The following JAZF1 variants were observed in gnomAD, a reference collection of about 807,000 sequenced individuals.
JAZF1 encodes the protein juxtaposed with another zinc finger protein 1.
In JAZF1, 8 loss-of-function variants were observed where a neutral mutation model predicts 26.4. The ratio of observed to expected loss-of-function variants is 0.30; its 90% CI spans 0.18 to 0.55. The LOEUF (loss-of-function observed/expected upper bound fraction) is 0.55. Among genes scored for constraint, JAZF1 ranks in the 20% least tolerant of loss-of-function variants. The probability of loss-of-function intolerance (pLI) is 0.94; values close to 1 mark genes in which losing one functional copy is unlikely to be tolerated. For missense variants in JAZF1, 199 were observed against 322.0 expected, an observed-to-expected ratio of 0.62 and a Z score of 2.92; for synonymous variants, 126 against 122.3, an observed-to-expected ratio of 1.03 and a Z score of -0.20.
intron 2 of JAZF1, among the ~76,000 whole-genome samples, chr7:27,983,321 A>C (rs1464816847): frequency 6.6e-6 from 1 of 152,232 alleles, no homozygotes; most frequent in East Asian, 1.9e-4. Context: ...TCAGTAGCTG[A>C]TTTGATCAAC....
At chr7:27,943,136 C>T (rs1041403497) in intron 2 of JAZF1, among the ~76,000 whole-genome samples, 1 of 152,166 alleles carries the variant, frequency 6.6e-6, no homozygotes, top group South Asian at 2.1e-4. Flanking sequence ...TAACTGGAGG[C>T]AACATCCTCA....
In JAZF1 at chr7:27,991,998, A is replaced by T; in HGVS notation, c.116-17T>A. The stretch of plus-strand genomic sequence containing the variant: ...GATCTGTATCTGTAATAAAAACACA[A>T]TTACGATTTTTTTTAGATTTTGCAT... On this transcript the variant is annotated splice_polypyrimidine_tract_variant and intron_variant, in intron 1 of 4. Coordinates refer to ENST00000283928, the MANE Select transcript of JAZF1 (RefSeq NM_175061.4). 6.6e-7 allele frequency: 1 copy of T among 1,511,128 alleles called. No homozygotes were observed. The highest frequency in any genetic ancestry group is 1.7e-4 in the Middle Eastern group (1 of 5,856). 93.6% of individuals were successfully genotyped at this position (1,511,128 alleles called of 1,614,324 possible). A position where few individuals can be genotyped will look rare whatever the true frequency, so the allele number is the denominator to read the frequency against.
intron 1 of JAZF1, among the ~76,000 whole-genome samples, chr7:28,035,340 A>AAG (rs1783271370): frequency 2.1e-5 from 3 of 145,418 alleles, no homozygotes; most frequent in African/African-American, 5.0e-5. Flanking sequence ...AAAAAAAAAA[A>AAG]AAAGAAAGAA....
At chr7:27,913,488 C>G (rs939290873) in intron 2 of JAZF1, 1 of 366,414 alleles carries the variant, frequency 2.7e-6, no homozygotes, top group Admixed American at 3.8e-5. Flanking sequence ...CAAAGAGACC[C>G]CACGTGAACA....
At chr7:28,179,471 C>T (rs1459181708) in intron 1 of JAZF1, among the ~76,000 whole-genome samples, 1 of 152,060 alleles carries the variant, frequency 6.6e-6, no homozygotes, top group Non-Finnish European at 1.5e-5. Flanking sequence ...CGCCGCCGAT[C>T]CCAGGGCGCA....
chr7:27,862,799 TG>T (rs1176326629), intron 3 of JAZF1, among the ~76,000 whole-genome samples: 4 of 152,378 alleles, frequency 2.6e-5, no homozygotes, highest in Non-Finnish European at 5.9e-5. Context: ...TTCTGTATTT[TG>T]GGTGCATGTG....
At chr7:28,144,096 A>G (rs1782993873) in intron 1 of JAZF1, among the ~76,000 whole-genome samples, 1 of 152,192 alleles carries the variant, frequency 6.6e-6, no homozygotes, top group South Asian at 2.1e-4. Context: ...CATGTTTACA[A>G]ATTGCTTTAT....
intron 3 of JAZF1, among the ~76,000 whole-genome samples, chr7:27,870,118 G>A (rs1783556112): frequency 7.0e-6 from 1 of 142,852 alleles, no homozygotes; most frequent in African/African-American, 2.6e-5. Context: ...GTAGAGACTG[G>A]GTTTCACCAT....
intron 2 of JAZF1, among the ~76,000 whole-genome samples, chr7:27,957,268 C>G (rs1451388620): frequency 6.6e-6 from 1 of 152,104 alleles, no homozygotes; most frequent in Non-Finnish European, 1.5e-5. Flanking sequence ...GATATGAGGC[C>G]CCACTTGGCA....
chr7:27,874,605 C>T (rs919878103), intron 3 of JAZF1, among the ~76,000 whole-genome samples: 3 of 152,214 alleles, frequency 2.0e-5, no homozygotes, highest in Non-Finnish European at 4.4e-5. Context: ...ATTCCTGTCA[C>T]TTAGGAAAAC....
chr7:28,049,625 T>C (rs1198059284), intron 1 of JAZF1, among the ~76,000 whole-genome samples: 3 of 152,176 alleles, frequency 2.0e-5, no homozygotes, highest in African/African-American at 7.2e-5. Flanking sequence ...GGTAGCTGCT[T>C]ATGCTTCTGA....
intron 3 of JAZF1, among the ~76,000 whole-genome samples, chr7:27,857,200 G>T (rs914207557): frequency 6.6e-6 from 1 of 152,224 alleles, no homozygotes; most frequent in Admixed American, 6.5e-5. Context: ...GCCCTGTTCT[G>T]CAGGGAGGTA....
chr7:27,833,082 T>G, intron 4 of JAZF1, 106 bp from the exon 5 acceptor site: 1 of 830,670 alleles, frequency 1.2e-6, no homozygotes, highest in Non-Finnish European at 1.8e-6. Context: ...GGCAGCTGTT[T>G]AGAGTGTAGT....
intron 3 of JAZF1, among the ~76,000 whole-genome samples, chr7:27,857,957 G>A (rs1219112124): frequency 6.6e-6 from 1 of 152,192 alleles, no homozygotes; most frequent in Admixed American, 6.5e-5. Context: ...AAGTCAAATT[G>A]TCTCTGTTTG....
At chr7:28,004,606 C>A (rs1028552053) in intron 1 of JAZF1, among the ~76,000 whole-genome samples, 3 of 152,150 alleles carry the variant, frequency 2.0e-5, no homozygotes, top group African/African-American at 7.2e-5. Context: ...AAAGGAACTA[C>A]TGGAAGTGAT....
chr7:27,854,919 T>C (rs1019997427), intron 3 of JAZF1, among the ~76,000 whole-genome samples: 1 of 152,210 alleles, frequency 6.6e-6, no homozygotes, highest in Non-Finnish European at 1.5e-5. Flanking sequence ...TCTTGCTAGG[T>C]TGGGGAAGTC....
intron 2 of JAZF1, among the ~76,000 whole-genome samples, chr7:27,922,495 C>T (rs1419350664): frequency 1.3e-5 from 2 of 152,120 alleles, no homozygotes; most frequent in African/African-American, 4.8e-5. Context: ...GCAATCCGCC[C>T]GCCTCGGCCT....
rs560780114 is a variant in JAZF1 at position 28,068,060 on chromosome 7, C to T, written c.116-76079G>A. 4.6e-5 allele frequency among the ~76,000 whole-genome samples: 7 copies of T among 152,098 alleles called. No homozygotes were observed. The South Asian group carries it at 1.5e-3, about 32-fold the overall frequency. On this transcript the variant is annotated intron_variant, in intron 1 of 4. Coordinates refer to ENST00000283928, the MANE Select transcript of JAZF1 (RefSeq NM_175061.4). ...TCCGGAGTAGCTGGGATTACAGGTG[C>T]ACACCAACACGCCCAGCTAATTTTT...
intron 1 of JAZF1, among the ~76,000 whole-genome samples, chr7:28,096,680 T>G (rs903162317): frequency 1.2e-4 from 19 of 152,270 alleles, no homozygotes; most frequent in African/African-American, 4.3e-4. Flanking sequence ...ATTTTTTAAC[T>G]TTTTCATTTG....
Sources: gnomAD v4.1 joint callset for allele counts (sites outside exome capture counted in the v4.1 genomes callset) on GRCh38, gnomAD v4.1.1 for gene constraint, MANE v1.5 for transcripts, NCBI Gene and HGNC (gene_info 2026-07-23, HGNC 2026-07-21) for gene names.